The following SLC7A2 variants were observed in gnomAD, a reference collection of about 807,000 sequenced individuals.
SLC7A2 encodes the protein solute carrier family 7 member 2.
Under a neutral mutation model 58.9 loss-of-function variants are expected in SLC7A2, and 48 were observed. The observed-to-expected ratio is 0.82, with a 90% CI of 0.65 to 1.04. SLC7A2 has a LOEUF of 1.04. Among genes scored for constraint, SLC7A2 ranks in the 50% least tolerant of loss-of-function variants. The pLI is 0.00. For missense variants in SLC7A2, 1,029 were observed against 818.8 expected, an observed-to-expected ratio of 1.26 and a Z score of -3.13; for synonymous variants, 363 against 314.5, an observed-to-expected ratio of 1.15 and a Z score of -1.63.
intron 7 of SLC7A2, among the ~76,000 whole-genome samples, chr8:17,553,247 C>T (rs1009659129): frequency 2.6e-5 from 4 of 152,112 alleles, no homozygotes; most frequent in South Asian, 2.1e-4. Context: ...GAGGAGGTCT[C>T]GCTAAGTTCC....
rs754007632 is a variant in SLC7A2, at chr8:17,548,853, T to C, written c.698+10T>C. On this transcript the variant is annotated intron_variant, in intron 5 of 12. Transcript: ENST00000494857. ...TATCAGCAAGTGCCAGGTAAAATATTTGAGGTTTTTTTTTTTCTCCTTCTT... is the reference window on the plus strand; with the variant it reads ...TATCAGCAAGTGCCAGGTAAAATATCTGAGGTTTTTTTTTTTCTCCTTCTT... 2.3e-5 allele frequency: 33 copies of C among 1,456,380 alleles called. No homozygotes were observed. Among genetic ancestry groups the C allele is most frequent in the East Asian group, 2.5e-5 (1 of 39,742 alleles). The allele number at this position is 1,456,380 out of a possible 1,614,324, so 90.2% of individuals were successfully genotyped here. A position where few individuals can be genotyped will look rare whatever the true frequency, so the allele number is the denominator to read the frequency against.
chr8:17,528,199 C>A (rs185541033), intron 2 of SLC7A2, among the ~76,000 whole-genome samples: 1 of 151,992 alleles, frequency 6.6e-6, no homozygotes, highest in East Asian at 1.9e-4. Context: ...AGCAGAGCTC[C>A]GTACACTGTC....
intron 7 of SLC7A2, 141 bp from the exon 8 acceptor site, chr8:17,554,419 A>G: frequency 1.6e-6 from 1 of 639,396 alleles, no homozygotes; most frequent in Non-Finnish European, 2.3e-6. Context: ...TTAAAAAATA[A>G]TGACATAATT....
intron 2 of SLC7A2, among the ~76,000 whole-genome samples, chr8:17,540,097 G>A (rs1234414912): frequency 3.3e-5 from 5 of 151,946 alleles, no homozygotes; most frequent in South Asian, 2.1e-4. Flanking sequence ...ACAAAAGTAC[G>A]AGATACACTT....
At chr8:17,521,039 A>G (rs1486581906) in intron 2 of SLC7A2, among the ~76,000 whole-genome samples, 1 of 152,198 alleles carries the variant, frequency 6.6e-6, no homozygotes, top group Non-Finnish European at 1.5e-5. Flanking sequence ...ACATAGTACC[A>G]TAATGATAGT....
intron 2 of SLC7A2, among the ~76,000 whole-genome samples, chr8:17,513,540 C>T (rs943736984): frequency 1.3e-5 from 2 of 152,138 alleles, no homozygotes; most frequent in Admixed American, 6.6e-5. Context: ...TTATTTTTCT[C>T]ATTTCAGTAA....
intron 5 of SLC7A2, among the ~76,000 whole-genome samples, chr8:17,549,327 G>A (rs972625903): frequency 6.6e-6 from 1 of 152,238 alleles, no homozygotes; most frequent in African/African-American, 2.4e-5. Context: ...AGACCCTTCT[G>A]AGAGACTGTT....
intron 2 of SLC7A2, among the ~76,000 whole-genome samples, chr8:17,504,568 A>G (rs1306233814): frequency 6.6e-6 from 1 of 152,182 alleles, no homozygotes. Flanking sequence ...TTGTATTTCT[A>G]TATGCATTCC....
chr8:17,509,867 G>C (rs760701900), intron 2 of SLC7A2, among the ~76,000 whole-genome samples: 22 of 152,086 alleles, frequency 1.4e-4, no homozygotes, highest in Non-Finnish European at 2.8e-4. Context: ...AGAAGCCTGT[G>C]TGTTTCATTT....
chr8:17,499,017 C>G (rs562792808), intron 1 of SLC7A2: 3 of 152,224 alleles, frequency 2.0e-5, no homozygotes, highest in East Asian at 1.9e-4. Context: ...TTGCTTTGCA[C>G]TGCAAGCACA....
chr8:17,550,356 T>C lies in SLC7A2; in HGVS notation c.754T>C (p.Tyr252His), dbSNP rs144865355. ...SIYGAGGFMPYGFTGTLAGAA... is the reference protein window; with the variant it reads ...SIYGAGGFMPHGFTGTLAGAA... ...CTATGGGGCTGGTGGCTTTATGCCT[T>C]ATGGCTTTACGGGAACGTTGGCTGG... Residue 252 changes from tyrosine to histidine, a missense_variant, in exon 6 of 13, where the codon TAT (tyrosine) becomes CAT (histidine). By Grantham distance (83) the Tyr-to-His change is moderately conservative (BLOSUM62 2). Transcript: ENST00000494857. 2.2e-3 allele frequency: 3,550 copies of C among 1,614,138 alleles called. 29 individuals carry two copies. The highest frequency in any genetic ancestry group is 1.4e-3 in the Non-Finnish European group (1,641 of 1,179,994).
upstream of SLC7A2, among the ~76,000 whole-genome samples, chr8:17,496,037 C>T (rs1463659750): frequency 6.6e-6 from 1 of 152,196 alleles, no homozygotes; most frequent in African/African-American, 2.4e-5. Flanking sequence ...GGCAGCAATA[C>T]AAATCTGGCA....
Position 17,544,591 on chromosome 8 carries a change from A to C in SLC7A2, c.517A>C (p.Ile173Leu). Residue 173 changes from isoleucine to leucine, a missense_variant, in exon 4 of 13, where the codon ATA becomes CTA. Physicochemically the swap from Ile to Leu is conservative, Grantham distance 5 (BLOSUM62 2). Coordinates refer to ENST00000494857, the MANE Select transcript of SLC7A2 (RefSeq NM_001370338.1). The stretch of plus-strand genomic sequence containing the variant: ...TCCCGATTTTTTTGCTGTGTGCCTT[A>C]TATTACTTCTAGCAGGTAAGAAAAC... ...EYPDFFAVCL[I>L]LLLAGLLSFG... 1 of 1,613,916 alleles carries C rather than the reference A, an allele frequency of 6.2e-7. No individual in the cohort carries two copies. Among genetic ancestry groups the C allele is most frequent in the Non-Finnish European group, 8.5e-7 (1 of 1,179,870 alleles).
At position 17,555,765 on chromosome 8, in the gene SLC7A2, C is replaced by G. The variant is rs551321149; in HGVS notation, c.1195+1066C>G. 2.0e-5 allele frequency among the ~76,000 whole-genome samples: 3 copies of G among 152,226 alleles called. No individual in the cohort carries two copies. In the South Asian group the frequency reaches 6.2e-4, roughly 32 times the overall value. The stretch of plus-strand genomic sequence containing the variant: ...AAAATCCAGATTGCTAGTCTTTTGG[C>G]ACATCTTAATATCCATGTAAAATAC... On this transcript the variant is annotated intron_variant, in intron 8 of 12. Coordinates refer to ENST00000494857, the MANE Select transcript of SLC7A2 (RefSeq NM_001370338.1).
rs1259331141 is a variant in SLC7A2, at chr8:17,570,308, AT to A, written c.*5164del. On this transcript the variant is annotated 3_prime_UTR_variant, in exon 13 of 13. Transcript: ENST00000494857. Reference sequence around the variant, plus strand: ...TTTGTTATTGCAGTACTTAATAAAAATTGTTGATAGGGCCCAAAACCCTACA... The same window carrying A: ...TTTGTTATTGCAGTACTTAATAAAAATGTTGATAGGGCCCAAAACCCTACA... The A allele has an allele frequency of 3.3e-5, 5 of 152,552 alleles. No individual in the cohort carries two copies. Among genetic ancestry groups the A allele is most frequent in the Non-Finnish European group, 4.4e-5 (3 of 68,028 alleles). The allele number at this position is 152,552 out of a possible 1,614,324, so 9.4% of individuals were successfully genotyped here. A position where few individuals can be genotyped will look rare whatever the true frequency, so the allele number is the denominator to read the frequency against.
intron 1 of SLC7A2, among the ~76,000 whole-genome samples, chr8:17,501,662 A>G (rs11203867): frequency 0.66 from 100,508 of 151,770 alleles, 34,743 homozygotes; most frequent in Admixed American, 0.75. Context: ...CTAGTGCTGC[A>G]AATGTCATGA....
At position 17,534,183 on chromosome 8, in the gene SLC7A2, T is replaced by TA. The variant is rs796613233; in HGVS notation, c.-22-9130dup. 3.0e-4 allele frequency among the ~76,000 whole-genome samples: 46 copies of TA among 152,268 alleles called. 1 individual carries two copies. The highest frequency in any genetic ancestry group is 9.9e-4 in the African/African-American group (41 of 41,550). On this transcript the variant is annotated intron_variant, in intron 2 of 12. Transcript: ENST00000494857. Reference sequence around the variant, plus strand: ...CTATTATTGATGGGCACAGGCTATTTAAAAAGGGCAGCAGGAACATGGTTT... The same window carrying TA: ...CTATTATTGATGGGCACAGGCTATTTAAAAAAGGGCAGCAGGAACATGGTTT...
At chr8:17,543,767 C>A (rs539040156) in intron 3 of SLC7A2, 52 bp downstream of exon 3, 1 of 1,480,760 alleles carries the variant, frequency 6.8e-7, no homozygotes, top group East Asian at 2.3e-5. Flanking sequence ...AATCGCAGCC[C>A]TGAGTCACAG....
chr8:17,539,612 G>T (rs1465580109), intron 2 of SLC7A2, among the ~76,000 whole-genome samples: 1 of 152,166 alleles, frequency 6.6e-6, no homozygotes, highest in South Asian at 2.1e-4. Flanking sequence ...TATATTCTAA[G>T]GCCAAGGACA....
Sources: gnomAD v4.1 joint callset for allele counts (sites outside exome capture counted in the v4.1 genomes callset) on GRCh38, gnomAD v4.1.1 for gene constraint, MANE v1.5 for transcripts, NCBI Gene and HGNC (gene_info 2026-07-23, HGNC 2026-07-21) for gene names.